The following GPC5 variants were observed in gnomAD, a reference collection of about 807,000 sequenced individuals.
The protein encoded by GPC5 is glypican 5, also known as glypican-5.
In GPC5, 47 loss-of-function variants were observed where a neutral mutation model predicts 53.9. The observed-to-expected ratio is 0.87, with a 90% CI of 0.69 to 1.11. The LOEUF is 1.11. Among genes scored for constraint, GPC5 ranks in the 50% most tolerant of loss-of-function variants. The pLI is 0.00. For missense variants in GPC5, 748 were observed against 713.1 expected, an observed-to-expected ratio of 1.05 and a Z score of -0.56; for synonymous variants, 286 against 263.3, an observed-to-expected ratio of 1.09 and a Z score of -0.84.
At chr13:91,908,767 AT>A (rs202164820) in intron 6 of GPC5, among the ~76,000 whole-genome samples, 28 of 148,818 alleles carry the variant, frequency 1.9e-4, no homozygotes, top group South Asian at 6.4e-4. Flanking sequence ...AAGAAAGGCT[AT>A]TTTTTTTTTA....
chr13:92,031,627 C>T (rs1458377254), intron 6 of GPC5, among the ~76,000 whole-genome samples: 2 of 136,848 alleles, frequency 1.5e-5, no homozygotes, highest in African/African-American at 5.5e-5. Context: ...ATGGAACCAG[C>T]CCAAATGCCC....
intron 7 of GPC5, among the ~76,000 whole-genome samples, chr13:92,432,759 T>C (rs1237127149): frequency 6.6e-6 from 1 of 152,080 alleles, no homozygotes; most frequent in Non-Finnish European, 1.5e-5. Context: ...AGGTTTAGTA[T>C]GAGGAAACAT....
chr13:92,336,842 TA>T (rs35605716), intron 7 of GPC5, among the ~76,000 whole-genome samples: 4 of 152,148 alleles, frequency 2.6e-5, no homozygotes, highest in Admixed American at 1.3e-4. Context: ...ATCTAATTTT[TA>T]AAAAAGAGAT....
In GPC5 at chr13:91,740,101, C is replaced by T. The variant is rs139137926; in HGVS notation, c.1154+11436C>T. Among the ~76,000 whole-genome samples, 680 of 146,174 alleles carry T rather than the reference C, an allele frequency of 4.7e-3. 9 individuals are homozygous for T. The highest frequency in any genetic ancestry group is 8.3e-3 in the Non-Finnish European group (566 of 67,952). ...CACTTAGCTTCTTCCGCCACACCTG[C>T]CCTTGCTTCCCTTTCTCGCTTTTAC... is the stretch of plus-strand genomic sequence containing the variant. On this transcript the variant is annotated intron_variant, in intron 4 of 7. Transcript: ENST00000377067.
chr13:91,413,476 A>G (rs1204248856), intron 1 of GPC5, among the ~76,000 whole-genome samples: 1 of 152,256 alleles, frequency 6.6e-6, no homozygotes, highest in African/African-American at 2.4e-5. Context: ...AGCAGTGAAG[A>G]AGTGAAAATA....
chr13:92,091,166 T>G (rs1342456955), intron 6 of GPC5, among the ~76,000 whole-genome samples: 1 of 152,172 alleles, frequency 6.6e-6, no homozygotes, highest in Non-Finnish European at 1.5e-5. Flanking sequence ...TATAAAAATT[T>G]TAACAAGACT....
At chr13:91,695,412 C>T (rs747265605) in intron 3 of GPC5, among the ~76,000 whole-genome samples, 2 of 152,082 alleles carry the variant, frequency 1.3e-5, no homozygotes, top group Non-Finnish European at 2.9e-5. Flanking sequence ...CTCACTCTGT[C>T]ACCCAGGCTG....
At chr13:91,766,766 AGG>A (rs1350873689) in intron 5 of GPC5, among the ~76,000 whole-genome samples, 1 of 152,212 alleles carries the variant, frequency 6.6e-6, no homozygotes, top group Non-Finnish European at 1.5e-5. Context: ...TGGCTGAGGC[AGG>A]AAAATTGCTT....
At chr13:91,792,673 C>T (rs914115868) in intron 5 of GPC5, among the ~76,000 whole-genome samples, 4 of 152,166 alleles carry the variant, frequency 2.6e-5, no homozygotes, top group Non-Finnish European at 5.9e-5. Context: ...ATAGCTATTC[C>T]ACTGTTAGGT....
At chr13:92,737,994 C>T (rs1176514561) in intron 7 of GPC5, among the ~76,000 whole-genome samples, 2 of 151,760 alleles carry the variant, frequency 1.3e-5, no homozygotes, top group Admixed American at 1.3e-4. Flanking sequence ...AAACTCCTGA[C>T]CTCAGGTGAT....
chr13:92,289,694 CTT>C, intron 7 of GPC5, among the ~76,000 whole-genome samples: 1 of 151,874 alleles, frequency 6.6e-6, no homozygotes, highest in Non-Finnish European at 1.5e-5. Context: ...TCACCACTAA[CTT>C]TTCTCAATAT....
intron 7 of GPC5, among the ~76,000 whole-genome samples, chr13:92,819,950 C>G (rs1258504125): frequency 6.6e-6 from 1 of 152,070 alleles, no homozygotes; most frequent in African/African-American, 2.4e-5. Flanking sequence ...TAGCTATTCA[C>G]TACTTTTCCT....
intron 7 of GPC5, among the ~76,000 whole-genome samples, chr13:92,213,059 T>TG (rs2042386312): frequency 6.6e-6 from 1 of 152,180 alleles, no homozygotes; most frequent in African/African-American, 2.4e-5. Context: ...TGATACAAAC[T>TG]GCAATTCTGC....
At chr13:92,429,215 G>GA (rs1876974605) in intron 7 of GPC5, among the ~76,000 whole-genome samples, 1 of 151,830 alleles carries the variant, frequency 6.6e-6, no homozygotes, top group African/African-American at 2.4e-5. Context: ...TATCTATCAT[G>GA]AAAAACCATT....
chr13:92,355,542 T>A (rs9516064), intron 7 of GPC5, among the ~76,000 whole-genome samples: 10,804 of 152,202 alleles, frequency 0.071, 591 homozygotes, highest in Non-Finnish European at 0.1. Context: ...TTTACAGTGA[T>A]CCCCATGCTC....
chr13:92,028,174 T>A lies in GPC5; in HGVS notation c.1402-116656T>A, dbSNP rs118107968. Among the ~76,000 whole-genome samples the A allele has an allele frequency of 1.0e-3, 155 of 152,272 alleles. No homozygotes were observed. In the East Asian group the frequency reaches 0.027, roughly 27 times the overall value. ...CATTATATGATGATTAACATTTTTTTAAATGGTTTATACCTGCTTGCACGG... is the reference window on the plus strand; with the variant it reads ...CATTATATGATGATTAACATTTTTTAAAATGGTTTATACCTGCTTGCACGG... On this transcript the variant is annotated intron_variant, in intron 6 of 7. Coordinates refer to ENST00000377067, the MANE Select transcript of GPC5 (RefSeq NM_004466.6).
At chr13:91,418,070 T>G (rs1464642069) in intron 1 of GPC5, among the ~76,000 whole-genome samples, 1 of 152,112 alleles carries the variant, frequency 6.6e-6, no homozygotes, top group Non-Finnish European at 1.5e-5. Context: ...ACATGAATTG[T>G]CCCTTTGTGC....
intron 6 of GPC5, among the ~76,000 whole-genome samples, chr13:92,130,938 A>T (rs930560869): frequency 6.6e-6 from 1 of 151,938 alleles, no homozygotes; most frequent in African/African-American, 2.4e-5. Context: ...TAAGAAAAAG[A>T]TAGTAAAAAA....
intron 7 of GPC5, among the ~76,000 whole-genome samples, chr13:92,230,797 T>C (rs1594018334): frequency 6.6e-6 from 1 of 152,190 alleles, no homozygotes; most frequent in African/African-American, 2.4e-5. Flanking sequence ...GGTGCACTGA[T>C]TGGCACATAG....
Sources: allele counts gnomAD v4.1 joint callset (sites outside exome capture counted in the v4.1 genomes callset), GRCh38; gene constraint gnomAD v4.1.1; transcripts MANE v1.5; gene names NCBI Gene and HGNC (gene_info 2026-07-23, HGNC 2026-07-21).